TLK1: variants seen among roughly 807,000 people sequenced by gnomAD.
The protein encoded by TLK1 is serine/threonine-protein kinase tousled-like 1.
TLK1 carries 24 observed loss-of-function variants against 105.3 expected under a neutral mutation model. The ratio of observed to expected loss-of-function variants is 0.23; its 90% CI spans 0.17 to 0.32. The LOEUF (loss-of-function observed/expected upper bound fraction) is 0.32. Among genes scored for constraint, TLK1 ranks in the 10% least tolerant of loss-of-function variants. TLK1 has a pLI of 1.00. For missense variants in TLK1, 558 were observed against 910.5 expected (o/e 0.61, Z 4.98); for synonymous variants, 321 against 310.4 (o/e 1.03, Z -0.36).
intron 3 of TLK1, among the ~76,000 whole-genome samples, chr2:171,066,098 C>T (rs1471032342): frequency 2.0e-5 from 3 of 152,164 alleles, no homozygotes; most frequent in African/African-American, 7.2e-5. Flanking sequence ...ACCTGAAATT[C>T]ACATAGTCTG....
intron 4 of TLK1, among the ~76,000 whole-genome samples, chr2:171,058,463 C>T (rs921017000): frequency 1.3e-5 from 2 of 151,988 alleles, no homozygotes; most frequent in African/African-American, 2.4e-5. Flanking sequence ...AAAAAAGTAG[C>T]GACTGCATCA....
intron 13 of TLK1, among the ~76,000 whole-genome samples, chr2:171,014,608 C>A (rs1309562052): frequency 2.0e-5 from 3 of 151,846 alleles, no homozygotes; most frequent in African/African-American, 2.4e-5. Context: ...AACATCCAGG[C>A]AGAGGAAATG....
At chr2:171,195,493 C>A in intron 1 of TLK1, among the ~76,000 whole-genome samples, 1 of 121,086 alleles carries the variant, frequency 8.3e-6, no homozygotes, top group Admixed American at 9.1e-5. Flanking sequence ...CAGAGCAAGA[C>A]TCTGTCTCAA....
chr2:171,015,476 C>A (rs1044782633), intron 12 of TLK1, among the ~76,000 whole-genome samples: 1 of 139,376 alleles, frequency 7.2e-6, no homozygotes, highest in East Asian at 2.2e-4. Flanking sequence ...TGACCACTCA[C>A]TTGCAATCCT....
chr2:171,037,581 T>C (rs1310688783), intron 11 of TLK1, among the ~76,000 whole-genome samples: 1 of 152,134 alleles, frequency 6.6e-6, no homozygotes, highest in Admixed American at 6.5e-5. Flanking sequence ...CAGATCAATG[T>C]TGAATTTTAT....
At chr2:171,222,949 G>A (rs1248616439) in intron 1 of TLK1, among the ~76,000 whole-genome samples, 1 of 151,948 alleles carries the variant, frequency 6.6e-6, no homozygotes, top group Non-Finnish European at 1.5e-5. Flanking sequence ...TGAGTAACTG[G>A]GATTACAGGC....
At chr2:171,029,180 T>C (rs537160240) in intron 11 of TLK1, among the ~76,000 whole-genome samples, 45 of 152,320 alleles carry the variant, frequency 3.0e-4, no homozygotes, top group African/African-American at 1.1e-3. Context: ...AATTTCAGTT[T>C]TACTCTAAGA....
intron 3 of TLK1, among the ~76,000 whole-genome samples, chr2:171,079,880 T>C (rs1688672277): frequency 6.6e-6 from 1 of 152,096 alleles, no homozygotes; most frequent in Non-Finnish European, 1.5e-5. Flanking sequence ...TGTGGTGAGT[T>C]AAAACCATCA....
At chr2:171,119,364 C>T (rs535863954) in intron 1 of TLK1, among the ~76,000 whole-genome samples, 2 of 152,302 alleles carry the variant, frequency 1.3e-5, no homozygotes, top group Admixed American at 1.3e-4. Context: ...CCCCCCACCA[C>T]CTTCTTGTTC....
Position 170,993,857 on chromosome 2 carries a change from T to C in TLK1, c.2224A>G (p.Asn742Asp). ...PYLLPHMRRS[N>D]SSGNLHMAGL... Reference sequence around the variant, plus strand: ...GCCATGTGTAGGTTTCCTGAAGAATTTGATCTTCTCATGTGTGGGAGAAGG... The same window carrying C: ...GCCATGTGTAGGTTTCCTGAAGAATCTGATCTTCTCATGTGTGGGAGAAGG... Residue 742 changes from asparagine to aspartate, a missense_variant, in exon 21 of 21, where the codon AAT becomes GAT. Asn to Asp is a conservative substitution (Grantham distance 23). Coordinates refer to ENST00000431350, the MANE Select transcript of TLK1 (RefSeq NM_012290.5). The C allele has an allele frequency of 1.9e-6, 3 of 1,613,154 alleles. No homozygotes were observed. The highest frequency in any genetic ancestry group is 2.5e-6 in the Non-Finnish European group (3 of 1,179,610).
At chr2:171,221,454 G>T (rs537139654) in intron 1 of TLK1, among the ~76,000 whole-genome samples, 15 of 152,286 alleles carry the variant, frequency 9.8e-5, no homozygotes, top group East Asian at 3.9e-4. Context: ...GAGGAAAGAA[G>T]ATGATGCATT....
Position 170,993,680 on chromosome 2 carries a change from AAAAAAAAAAAG to A in TLK1, c.*89_*99del. On this transcript the variant is annotated 3_prime_UTR_variant, in exon 21 of 21. Coordinates refer to ENST00000431350, the MANE Select transcript of TLK1 (RefSeq NM_012290.5). ...ACCACGTCTTGTGTAAAAAAAAAAAAAAAAAAAAAAGAAAAAGAAAACAAACACTCAAATGC... is the reference window on the plus strand; with the variant it reads ...ACCACGTCTTGTGTAAAAAAAAAAAAAAAAAGAAAACAAACACTCAAATGC... The A allele has an allele frequency of 2.1e-6, 2 of 937,794 alleles. No individual in the cohort carries two copies. Among genetic ancestry groups the A allele is most frequent in the South Asian group, 6.4e-5 (2 of 31,310 alleles). 58.1% of individuals were successfully genotyped at this position (937,794 alleles called of 1,614,324 possible). A position where few individuals can be genotyped will look rare whatever the true frequency, so the allele number is the denominator to read the frequency against.
chr2:171,166,976 CA>C (rs1413143901), intron 1 of TLK1, among the ~76,000 whole-genome samples: 1 of 152,124 alleles, frequency 6.6e-6, no homozygotes, highest in Non-Finnish European at 1.5e-5. Flanking sequence ...CTCAAATATT[CA>C]AAATCATTCA....
rs1692444592 is a variant in TLK1 at position 171,160,539 on chromosome 2, G to T, written c.-111C>A. 1.3e-6 allele frequency: 2 copies of T among 1,538,930 alleles called. No homozygotes were observed. Among genetic ancestry groups the T allele is most frequent in the African/African-American group, 1.4e-5 (1 of 69,562 alleles). ...CCGCGCTGAGGGCGAGCGAGAGAGCGAGGGCTGGGAGGGGAGAGTCAAGGG... is the reference window on the plus strand; with the variant it reads ...CCGCGCTGAGGGCGAGCGAGAGAGCTAGGGCTGGGAGGGGAGAGTCAAGGG... On this transcript the variant is annotated 5_prime_UTR_variant, in exon 1 of 21. Transcript: ENST00000431350. The surrounding 1 kb of genome is among the most constrained non-coding windows in gnomAD (Gnocchi z 4.4).
At chr2:171,129,085 GGAATCTGGTAAAACTT>G (rs901075637) in intron 1 of TLK1, among the ~76,000 whole-genome samples, 1 of 152,096 alleles carries the variant, frequency 6.6e-6, no homozygotes, top group Non-Finnish European at 1.5e-5. Context: ...CTCCAAAACA[GGAATCTGGTAAAACTT>G]GAGCTGGTAA....
intron 1 of TLK1, among the ~76,000 whole-genome samples, chr2:171,134,903 T>C (rs1691245673): frequency 6.6e-6 from 1 of 151,814 alleles, no homozygotes. Context: ...GCCGGACCTA[T>C]TCAGCCTTAA....
At chr2:171,016,155 A>G (rs561284529) in intron 12 of TLK1, among the ~76,000 whole-genome samples, 23 of 152,116 alleles carry the variant, frequency 1.5e-4, no homozygotes, top group Non-Finnish European at 2.2e-4. Flanking sequence ...GAAAGTTTCT[A>G]GCCCAATTTC....
chr2:171,203,977 G>GT (rs1693451819), intron 1 of TLK1, among the ~76,000 whole-genome samples: 1 of 151,996 alleles, frequency 6.6e-6, no homozygotes, highest in African/African-American at 2.4e-5. Context: ...GCTTGAACCG[G>GT]TGGGGGGCAG....
intron 3 of TLK1, among the ~76,000 whole-genome samples, chr2:171,070,927 A>T (rs952703919): frequency 9.2e-5 from 14 of 152,182 alleles, no homozygotes; most frequent in Admixed American, 9.2e-4. Context: ...CATCCTTGCC[A>T]GCATTTGTCA....
Sources: gnomAD v4.1 joint callset for allele counts (sites outside exome capture counted in the v4.1 genomes callset) on GRCh38, gnomAD v4.1.1 for gene constraint, Gnocchi (gnomAD v3.1) non-coding constraint, MANE v1.5 for transcripts, NCBI Gene and HGNC (gene_info 2026-07-23, HGNC 2026-07-21) for gene names.